TCF24: variants seen among roughly 807,000 people sequenced by gnomAD.
The protein encoded by TCF24 is transcription factor 24.
Under a neutral mutation model 9.3 loss-of-function variants are expected in TCF24, and 5 were observed. The observed-to-expected ratio is 0.54, with a 90% CI of 0.28 to 1.13. The LOEUF is 1.13. Ranked by LOEUF, TCF24 falls within the 50% of genes most tolerant of loss-of-function variation. TCF24 has a pLI of 0.09. For synonymous variants in TCF24, 110 were observed against 115.8 expected (o/e 0.95, Z 0.32); for missense variants, 220 against 236.1 (o/e 0.93, Z 0.45).
intron 3 of TCF24, among the ~76,000 whole-genome samples, chr8:66,955,337 T>C (rs1477434330): frequency 6.6e-6 from 1 of 150,708 alleles, no homozygotes; most frequent in East Asian, 1.9e-4. Context: ...AGTTCTAAGA[T>C]CCTTGGAATA....
chr8:66,949,254 C>G (rs542434949), intron 3 of TCF24, among the ~76,000 whole-genome samples: 75 of 152,182 alleles, frequency 4.9e-4, no homozygotes, highest in East Asian at 4.1e-3. Flanking sequence ...TCCCTCCCCC[C>G]TCCTCCCACC....
At chr8:66,956,108 T>A (rs1392125977) in intron 3 of TCF24, among the ~76,000 whole-genome samples, 1 of 144,250 alleles carries the variant, frequency 6.9e-6, no homozygotes, top group Non-Finnish European at 1.5e-5. Context: ...TAAAAACTTG[T>A]TTGTTTGTTT....
chr8:66,961,292 C>T (rs887473408), intron 3 of TCF24, 84 bp downstream of exon 3: 3 of 1,328,498 alleles, frequency 2.3e-6, no homozygotes, highest in Non-Finnish European at 2.9e-6. Context: ...GGAATTAGAG[C>T]ATCTACCCAA....
At chr8:66,957,924 AGAATT>A (rs1314422168) in intron 3 of TCF24, among the ~76,000 whole-genome samples, 14 of 131,382 alleles carry the variant, frequency 1.1e-4, no homozygotes, top group African/African-American at 4.1e-4. Context: ...AAAAAAAAAA[AGAATT>A]GCTCTAAATC....
chr8:66,949,215 T>C (rs1814017052), intron 3 of TCF24, among the ~76,000 whole-genome samples: 1 of 152,102 alleles, frequency 6.6e-6, no homozygotes, highest in Admixed American at 6.6e-5. Flanking sequence ...TAACTCGTCA[T>C]CTAGCATTAG....
chr8:66,959,236 T>C (rs1814215987), intron 3 of TCF24, among the ~76,000 whole-genome samples: 1 of 152,222 alleles, frequency 6.6e-6, no homozygotes, highest in Non-Finnish European at 1.5e-5. Context: ...TTCAAAATAA[T>C]GGCCTTGAAA....
intron 3 of TCF24, among the ~76,000 whole-genome samples, chr8:66,953,294 G>T (rs1236019917): frequency 2.7e-5 from 4 of 150,344 alleles, no homozygotes; most frequent in African/African-American, 9.8e-5. Flanking sequence ...GGGCCTGGTG[G>T]TGACAAAATC....
chr8:66,951,811 G>A (rs1424266627), intron 3 of TCF24, among the ~76,000 whole-genome samples: 1 of 151,734 alleles, frequency 6.6e-6, no homozygotes, highest in Non-Finnish European at 1.5e-5. Flanking sequence ...CTTCTTCCTG[G>A]TTTAGTCTTG....
chr8:66,960,672 C>T (rs1195258384), intron 3 of TCF24, among the ~76,000 whole-genome samples: 1 of 152,114 alleles, frequency 6.6e-6, no homozygotes, highest in Non-Finnish European at 1.5e-5. Context: ...AAAGAAATTA[C>T]GCAAAATGGA....
intron 3 of TCF24, among the ~76,000 whole-genome samples, chr8:66,952,639 C>T (rs1235462123): frequency 2.0e-5 from 3 of 149,378 alleles, no homozygotes; most frequent in East Asian, 2.0e-4. Context: ...AGTTCAATTC[C>T]TGGGTATCCT....
chr8:66,951,703 G>A (rs1250486042), intron 3 of TCF24, among the ~76,000 whole-genome samples: 3 of 152,006 alleles, frequency 2.0e-5, no homozygotes, highest in African/African-American at 7.2e-5. Flanking sequence ...GGTAGAATTC[G>A]GCTGTGAATC....
chr8:66,948,152 G>T lies in TCF24; in HGVS notation c.403C>A (p.Arg135=), dbSNP rs779500855. ...YLHPVKKWPM[R]SRLYIGATGQ... ...GTAGCACCGATGTACAATCTTGATC[G>T]CATGGGCCATTTCTGAAAAAGATTA... The change falls in exon 4 of 4, where the codon CGA becomes AGA. Residue 135 remains arginine (R), a synonymous_variant. Coordinates refer to ENST00000563496, the MANE Select transcript of TCF24 (RefSeq NM_001193502.2). 3 of 1,528,684 alleles carry T rather than the reference G, an allele frequency of 2.0e-6. No individual in the cohort carries two copies. Among genetic ancestry groups the T allele is most frequent in the African/African-American group, 1.4e-5 (1 of 72,856 alleles). The allele number at this position is 1,528,684 out of a possible 1,614,324, so 94.7% of individuals were successfully genotyped here.
In TCF24 at chr8:66,962,455, G is replaced by A. The variant is rs1047703648; in HGVS notation, c.-261C>T. 6.5e-6 allele frequency: 1 copy of A among 152,688 alleles called. No homozygotes were observed. The highest frequency in any genetic ancestry group is 1.5e-5 in the Non-Finnish European group (1 of 68,416). 9.5% of individuals were successfully genotyped at this position (152,688 alleles called of 1,614,324 possible). On this transcript the variant is annotated 5_prime_UTR_variant, in exon 1 of 4. Transcript: ENST00000563496. ...TCGTCCGGCCGATGCCCAAGTCGAC[G>A]GCTGTTTCCAACCTCCGCTGGCTGT...
chr8:66,947,922 A>G lies in TCF24; in HGVS notation c.*129T>C. 1.6e-6 allele frequency: 1 copy of G among 610,108 alleles called. No individual in the cohort carries two copies. The highest frequency in any genetic ancestry group is 2.7e-6 in the Non-Finnish European group (1 of 365,990). 37.8% of individuals were successfully genotyped at this position (610,108 alleles called of 1,614,324 possible). On this transcript the variant is annotated 3_prime_UTR_variant, in exon 4 of 4. Transcript: ENST00000563496. ...TCCACATTTAGACAGATAAACCTGA[A>G]CATCCAACTATGGGTTCACATGTAA... is the stretch of plus-strand genomic sequence containing the variant.
chr8:66,961,632 G>A lies in TCF24; in HGVS notation c.134C>T (p.Ser45Phe). The A allele has an allele frequency of 7.9e-7, 1 of 1,263,982 alleles. No individual in the cohort carries two copies. Among genetic ancestry groups the A allele is most frequent in the South Asian group, 2.9e-5 (1 of 34,034 alleles). The allele number at this position is 1,263,982 out of a possible 1,614,324, so 78.3% of individuals were successfully genotyped here. ...CGCCGCCGCCGGCCGCCCGCTCCCG[G>A]AACGCGAGCCGCCCCCAGGGCCCGC... is the stretch of plus-strand genomic sequence containing the variant. ...GPAGPGGGSR[S>F]GSGRPAAANA... Residue 45 changes from serine (S) to phenylalanine (F), a missense_variant, in exon 3 of 4, where the codon TCC becomes TTC. Transcript: ENST00000563496.
intron 3 of TCF24, among the ~76,000 whole-genome samples, chr8:66,954,629 G>C (rs1311730666): frequency 1.3e-5 from 2 of 152,122 alleles, no homozygotes; most frequent in Non-Finnish European, 2.9e-5. Flanking sequence ...CACCCAGTTC[G>C]AGCTTCCAGG....
At chr8:66,962,232 C>G (rs1814271506) in intron 1 of TCF24, 97 bp downstream of exon 1, 2 of 152,336 alleles carry the variant, frequency 1.3e-5, no homozygotes, top group Admixed American at 6.5e-5. Flanking sequence ...GATTTCTGCC[C>G]GAGGAGCGGG....
rs1041124147 is a variant in TCF24 at position 66,962,522 on chromosome 8, G to C, written c.-328C>G. 2.0e-5 allele frequency: 3 copies of C among 152,428 alleles called. No individual in the cohort carries two copies. The highest frequency in any genetic ancestry group is 7.2e-5 in the African/African-American group (3 of 41,464). The allele number at this position is 152,428 out of a possible 1,614,324, so 9.4% of individuals were successfully genotyped here. ...CCCCGCGGCCAGGCGTGTGTGCTCC[G>C]ACCGGCTAAGGCAGGTCGGGCGGAG... On this transcript the variant is annotated 5_prime_UTR_variant, in exon 1 of 4. Transcript: ENST00000563496.
At chr8:66,961,282 G>A in intron 3 of TCF24, 94 bp downstream of exon 3, 1 of 1,299,400 alleles carries the variant, frequency 7.7e-7, no homozygotes, top group African/African-American at 1.5e-5. Context: ...CACCCGAAAA[G>A]GAATTAGAGC....
Sources: gnomAD v4.1 joint callset for allele counts (sites outside exome capture counted in the v4.1 genomes callset) on GRCh38, gnomAD v4.1.1 for gene constraint, MANE v1.5 for transcripts, NCBI Gene and HGNC (gene_info 2026-07-23, HGNC 2026-07-21) for gene names.